Variants in SIPA1L3 observed in about 807,000 individuals in gnomAD.
SIPA1L3 encodes signal induced proliferation associated 1 like 3, also known as signal-induced proliferation-associated 1-like protein 3.
A neutral mutation model predicts 150.1 loss-of-function variants in SIPA1L3; 59 were observed. The ratio of observed to expected loss-of-function variants is 0.39; its 90% CI spans 0.32 to 0.49. The LOEUF is 0.49. Ranked by LOEUF, SIPA1L3 falls within the 20% of genes least tolerant of loss-of-function variation. SIPA1L3 has a pLI of 0.86. For synonymous variants in SIPA1L3, 1,070 were observed against 1,077.6 expected (o/e 0.99, Z 0.14); for missense variants, 2,211 against 2,489.5 (o/e 0.89, Z 2.38).
rs1460507077 is a variant in SIPA1L3, at chr19:38,162,407, C to A, written c.3780+36C>A. 2.6e-6 allele frequency: 4 copies of A among 1,513,966 alleles called. No individual in the cohort carries two copies. In the South Asian group the frequency reaches 4.5e-5, roughly 17 times the overall value. 93.8% of individuals were successfully genotyped at this position (1,513,966 alleles called of 1,614,324 possible). ...GCCCCACCCTGCCCTACCGGGGGAGCCAGGCCTGCCTGGGTGTGGCCTCTG... is the reference window on the plus strand; with the variant it reads ...GCCCCACCCTGCCCTACCGGGGGAGACAGGCCTGCCTGGGTGTGGCCTCTG... On this transcript the variant is annotated intron_variant, in intron 14 of 21. Coordinates refer to ENST00000222345, the MANE Select transcript of SIPA1L3 (RefSeq NM_015073.3).
chr19:37,928,034 G>A (rs2046521950), intron 1 of SIPA1L3, among the ~76,000 whole-genome samples: 1 of 152,186 alleles, frequency 6.6e-6, no homozygotes, highest in Non-Finnish European at 1.5e-5. Context: ...AGGAGTGCAG[G>A]TGTCGTTTGG....
rs1215663690 is a variant in SIPA1L3, at chr19:38,082,521, G to A, written c.956G>A (p.Gly319Glu). ...KPEGEAGRSP[G>E]EADEGRSPPE... ...GAGGGGGAGGCTGGGCGTTCCCCGG[G>A]GGAGGCCGACGAGGGCCGGAGCCCC... The change falls in exon 3 of 22, where the codon GGG (glycine) becomes GAG (glutamate). Residue 319 changes from glycine to glutamate, a missense_variant. Around this residue, in one of 5 missense-constraint regions of SIPA1L3, gnomAD observed 587 missense variants for 534.5 expected, o/e 1.10. Coordinates refer to ENST00000222345, the MANE Select transcript of SIPA1L3 (RefSeq NM_015073.3). 6.3e-7 allele frequency: 1 copy of A among 1,598,392 alleles called. No individual in the cohort carries two copies. The highest frequency in any genetic ancestry group is 2.2e-5 in the East Asian group (1 of 44,560).
chr19:38,139,272 C>T lies in SIPA1L3; in HGVS notation c.3144-1912C>T, dbSNP rs11672805. On this transcript the variant is annotated intron_variant, in intron 10 of 21. Coordinates refer to ENST00000222345, the MANE Select transcript of SIPA1L3 (RefSeq NM_015073.3). The stretch of plus-strand genomic sequence containing the variant: ...CACATGACAATTCTGTGCTAGTCAT[C>T]GTGTCAGGGTGGGTGCTTGGAGAAA... 8.0e-3 allele frequency among the ~76,000 whole-genome samples: 1,212 copies of T among 152,258 alleles called. 5 individuals are homozygous for T. Among genetic ancestry groups the T allele is most frequent in the Middle Eastern group, 0.017 (5 of 294 alleles).
intron 2 of SIPA1L3, among the ~76,000 whole-genome samples, chr19:38,078,500 GCA>G (rs1488580520): frequency 8.5e-6 from 1 of 117,650 alleles, no homozygotes; most frequent in Non-Finnish European, 1.8e-5. Flanking sequence ...ACACACACAG[GCA>G]CACAGACATG....
chr19:38,111,546 C>T (rs1446492696), intron 8 of SIPA1L3, among the ~76,000 whole-genome samples: 1 of 152,126 alleles, frequency 6.6e-6, no homozygotes, highest in Non-Finnish European at 1.5e-5. Context: ...GAGCAGAGGA[C>T]GTGTGTATGT....
chr19:37,970,628 G>C lies in SIPA1L3; in HGVS notation c.-378-58461G>C, dbSNP rs1331280807. 3.3e-5 allele frequency among the ~76,000 whole-genome samples: 5 copies of C among 152,368 alleles called. No individual in the cohort carries two copies. The East Asian group carries it at 5.8e-4, about 18-fold the overall frequency. On this transcript the variant is annotated intron_variant, in intron 1 of 21. Coordinates refer to ENST00000222345, the MANE Select transcript of SIPA1L3 (RefSeq NM_015073.3). ...AAGAGGTCCCTGAACTGGCATGACT[G>C]CAAAGGCGGTTGAACCCTCCTCTCC...
chr19:38,033,728 G>A (rs953282698), intron 2 of SIPA1L3, among the ~76,000 whole-genome samples: 8 of 151,984 alleles, frequency 5.3e-5, no homozygotes, highest in Admixed American at 6.6e-5. Flanking sequence ...TACAGATGGG[G>A]AGTAGATACA....
intron 2 of SIPA1L3, among the ~76,000 whole-genome samples, chr19:38,030,035 G>A (rs534488433): frequency 1.3e-5 from 2 of 151,840 alleles, no homozygotes; most frequent in African/African-American, 2.4e-5. Context: ...TTGTATTTTT[G>A]TAGAGATGAG....
rs2145545367 is a variant in SIPA1L3 at position 37,948,472 on chromosome 19, A to G, written c.-379+41114A>G. ...GCAGAGTGAGACCCGGTCTTAAAAA[A>G]AAGAAAAAAAAAAAAAGAAGAGTGG... On this transcript the variant is annotated intron_variant, in intron 1 of 21. Coordinates refer to ENST00000222345, the MANE Select transcript of SIPA1L3 (RefSeq NM_015073.3). Among the ~76,000 whole-genome samples the G allele has an allele frequency of 1.3e-5, 2 of 152,068 alleles. 1 individual carries two copies. Among genetic ancestry groups the G allele is most frequent in the Admixed American group, 1.3e-4 (2 of 15,176 alleles).
chr19:38,000,206 C>T (rs1211185791), intron 1 of SIPA1L3, among the ~76,000 whole-genome samples: 1 of 152,080 alleles, frequency 6.6e-6, no homozygotes, highest in Admixed American at 6.5e-5. Flanking sequence ...GTGGCTCACA[C>T]CTGTAATCCC....
intron 1 of SIPA1L3, among the ~76,000 whole-genome samples, chr19:37,936,785 T>TACA (rs2046604847): frequency 6.6e-6 from 1 of 152,240 alleles, no homozygotes; most frequent in Non-Finnish European, 1.5e-5. Context: ...TATACTGCTT[T>TACA]GGTTAATTAC....
At chr19:38,016,638 A>C (rs578063594) in intron 1 of SIPA1L3, among the ~76,000 whole-genome samples, 1 of 152,146 alleles carries the variant, frequency 6.6e-6, no homozygotes, top group Non-Finnish European at 1.5e-5. Flanking sequence ...GATTACGGGC[A>C]CATGCCACCA....
intron 1 of SIPA1L3, among the ~76,000 whole-genome samples, chr19:38,027,376 C>T (rs971969498): frequency 6.6e-5 from 10 of 152,086 alleles, no homozygotes; most frequent in Non-Finnish European, 1.2e-4. Context: ...TAAGAACCCC[C>T]TTGGGCTTCT....
chr19:38,078,438 G>GCACACACACACA lies in SIPA1L3; in HGVS notation c.-310-2797_-310-2786dup, dbSNP rs66830496. On this transcript the variant is annotated intron_variant, in intron 2 of 21. Coordinates refer to ENST00000222345, the MANE Select transcript of SIPA1L3 (RefSeq NM_015073.3). ...AGCCCCCCTACACATGCGCATACATGCACACACACACACACACACACACAC... is the reference window on the plus strand; with the variant it reads ...AGCCCCCCTACACATGCGCATACATGCACACACACACACACACACACACACACACACACACAC... Among the ~76,000 whole-genome samples the GCACACACACACA allele has an allele frequency of 2.2e-3, 309 of 138,988 alleles. 2 individuals are homozygous for GCACACACACACA. The highest frequency in any genetic ancestry group is 6.2e-3 in the African/African-American group (227 of 36,890). The allele number at this position is 138,988 out of a possible 152,430, so 91.2% of individuals were successfully genotyped here.
At chr19:38,100,190 T>G in intron 5 of SIPA1L3, 40 bp downstream of exon 5, 1 of 1,431,560 alleles carries the variant, frequency 7.0e-7, no homozygotes, top group Non-Finnish European at 9.3e-7. Flanking sequence ...GCTGGGGCAG[T>G]ACCTTGCAAC....
intron 1 of SIPA1L3, among the ~76,000 whole-genome samples, chr19:37,924,476 A>G (rs1014435180): frequency 6.7e-6 from 1 of 149,898 alleles, no homozygotes; most frequent in African/African-American, 2.5e-5. Flanking sequence ...TAAAAAGTAT[A>G]TATACAGACT....
intron 1 of SIPA1L3, among the ~76,000 whole-genome samples, chr19:37,988,435 G>C (rs566622481): frequency 6.6e-6 from 1 of 152,288 alleles, no homozygotes; most frequent in Non-Finnish European, 1.5e-5. Context: ...CAGCACTTTG[G>C]GAGGCCGAGG....
intron 1 of SIPA1L3, among the ~76,000 whole-genome samples, chr19:37,953,026 TC>T (rs925031492): frequency 1.3e-5 from 2 of 152,112 alleles, no homozygotes; most frequent in Admixed American, 1.3e-4. Context: ...GGTCGGGAGA[TC>T]CTGGCTAACA....
At chr19:38,179,524 A>G (rs1972513577) in intron 15 of SIPA1L3, among the ~76,000 whole-genome samples, 1 of 152,220 alleles carries the variant, frequency 6.6e-6, no homozygotes, top group African/African-American at 2.4e-5. Flanking sequence ...AGTTATTATA[A>G]TGTGCGTCTA....
Sources: gnomAD v4.1 joint callset for allele counts (sites outside exome capture counted in the v4.1 genomes callset) on GRCh38, gnomAD v4.1.1 for gene constraint, gnomAD v4.1.1 regional missense constraint, MANE v1.5 for transcripts, NCBI Gene and HGNC (gene_info 2026-07-23, HGNC 2026-07-21) for gene names.